The following SAMD12 variants were observed in gnomAD, a reference collection of about 807,000 sequenced individuals.
SAMD12 encodes the protein sterile alpha motif domain-containing protein 12.
A neutral mutation model predicts 15.0 loss-of-function variants in SAMD12; 9 were observed. The ratio of observed to expected loss-of-function variants is 0.60; its 90% CI spans 0.36 to 1.05. SAMD12 has a LOEUF of 1.05. Among genes scored for constraint, SAMD12 ranks in the 50% least tolerant of loss-of-function variants. SAMD12 has a pLI of 0.01. For missense variants in SAMD12, 230 were observed against 234.2 expected, an observed-to-expected ratio of 0.98 and a Z score of 0.12; for synonymous variants, 86 against 90.1, an observed-to-expected ratio of 0.96 and a Z score of 0.25.
exon 5 of SAMD12, chr8:118,191,799 TATATATATATATAGAGAGAGAGAGAG>T (rs1819401193): frequency 2.4e-5 from 1 of 42,154 alleles, no homozygotes; most frequent in African/African-American, 1.0e-4. Flanking sequence ...TATATATATA[TATATATATATATAGAGAGAGAGAGAG>T]AGAGAGAGAG....
At chr8:118,252,206 C>A (rs1452579716) in intron 4 of SAMD12, among the ~76,000 whole-genome samples, 3 of 152,146 alleles carry the variant, frequency 2.0e-5, no homozygotes, top group Non-Finnish European at 4.4e-5. Context: ...ATTTAGAGTA[C>A]TTCTATGCCT....
intron 4 of SAMD12, among the ~76,000 whole-genome samples, chr8:118,232,078 T>C (rs1812321357): frequency 1.3e-5 from 2 of 152,186 alleles, no homozygotes; most frequent in Admixed American, 1.3e-4. Context: ...AAAAGTATAG[T>C]GTATTGGAGC....
chr8:118,552,680 C>G (rs189452349), intron 2 of SAMD12, among the ~76,000 whole-genome samples: 1,837 of 152,088 alleles, frequency 0.012, 14 homozygotes, highest in Admixed American at 0.019. Context: ...GTTCTGGCCA[C>G]GGCAATTAGG....
At chr8:118,200,970 C>T (rs1026741170) in intron 4 of SAMD12, among the ~76,000 whole-genome samples, 1 of 152,172 alleles carries the variant, frequency 6.6e-6, no homozygotes, top group Non-Finnish European at 1.5e-5. Flanking sequence ...GTGGCGTGCA[C>T]CACTACACCC....
intron 2 of SAMD12, among the ~76,000 whole-genome samples, chr8:118,547,157 C>T (rs936033997): frequency 6.6e-6 from 1 of 152,102 alleles, no homozygotes; most frequent in African/African-American, 2.4e-5. Flanking sequence ...GCGAGCTTGC[C>T]ACTCGTGACC....
At chr8:118,277,684 T>G (rs371703320) in intron 4 of SAMD12, among the ~76,000 whole-genome samples, 1 of 152,212 alleles carries the variant, frequency 6.6e-6, no homozygotes, top group African/African-American at 2.4e-5. Flanking sequence ...CTGTCCATTA[T>G]GTATATAGTT....
At chr8:118,134,789 G>A in the SAMD12 span, among the ~76,000 whole-genome samples, 1 of 152,186 alleles carries the variant, frequency 6.6e-6, no homozygotes, top group African/African-American at 2.4e-5. Flanking sequence ...GGAATCGAGT[G>A]TGCAGCGAAG....
rs147265205 is a variant in SAMD12, at chr8:118,333,414, T to C, written c.433+46146A>G. 3.9e-3 allele frequency among the ~76,000 whole-genome samples: 588 copies of C among 152,302 alleles called. 3 individuals carry two copies. The highest frequency in any genetic ancestry group is 0.017 in the Middle Eastern group (5 of 294). ...AAGCCAATGCCCAGGCTTGCTCAGC[T>C]TTCTGTATCATGATCCCAAGTGTAT... On this transcript the variant is annotated intron_variant, in intron 4 of 4. Transcript: ENST00000409003.
chr8:118,584,446 T>C (rs1827378421), intron 1 of SAMD12, among the ~76,000 whole-genome samples: 1 of 152,176 alleles, frequency 6.6e-6, no homozygotes, highest in Non-Finnish European at 1.5e-5. Context: ...CTTAATTTAA[T>C]GGGCTTGGCA....
intron 2 of SAMD12, among the ~76,000 whole-genome samples, chr8:118,468,926 A>T (rs891704158): frequency 2.0e-4 from 31 of 152,234 alleles, no homozygotes; most frequent in Admixed American, 1.2e-3. Flanking sequence ...ATTAAGTTGC[A>T]GTGAGAGGCT....
downstream of SAMD12, among the ~76,000 whole-genome samples, chr8:118,374,787 T>G (rs1254413087): frequency 6.6e-6 from 1 of 151,982 alleles, no homozygotes; most frequent in Non-Finnish European, 1.5e-5. Flanking sequence ...TGGAGAACTC[T>G]CTATTTGAAT....
chr8:118,289,857 G>C (rs150596510), intron 4 of SAMD12, among the ~76,000 whole-genome samples: 1 of 152,128 alleles, frequency 6.6e-6, no homozygotes, highest in African/African-American at 2.4e-5. Flanking sequence ...AGCTTCTTTT[G>C]AGATACAGAG....
At chr8:118,374,664 A>G (rs1349809826), downstream of SAMD12, among the ~76,000 whole-genome samples, 1 of 152,048 alleles carries the variant, frequency 6.6e-6, no homozygotes, top group African/African-American at 2.4e-5. Flanking sequence ...TTCTTTTGGT[A>G]GTGGCCATTC....
At chr8:118,562,027 T>C (rs942923384) in intron 2 of SAMD12, among the ~76,000 whole-genome samples, 4 of 152,204 alleles carry the variant, frequency 2.6e-5, no homozygotes, top group Admixed American at 6.5e-5. Flanking sequence ...TCAAATAATT[T>C]AGATGTACAG....
At chr8:118,244,777 C>T (rs1363321449) in intron 4 of SAMD12, among the ~76,000 whole-genome samples, 1 of 151,798 alleles carries the variant, frequency 6.6e-6, no homozygotes, top group East Asian at 1.9e-4. Context: ...GTTTTGTGCC[C>T]AGAAGGAAAG....
Position 118,424,936 on chromosome 8 carries a change from T to C in SAMD12, c.322+14896A>G, listed in dbSNP as rs1270761847. Among the ~76,000 whole-genome samples the C allele has an allele frequency of 2.4e-5, 3 of 127,026 alleles. No individual in the cohort carries two copies. In the East Asian group the frequency reaches 7.2e-4, roughly 30 times the overall value. The allele number at this position is 127,026 out of a possible 152,430, so 83.3% of individuals were successfully genotyped here. A position where few individuals can be genotyped will look rare whatever the true frequency, so the allele number is the denominator to read the frequency against. ...TGACAGGAAGAGAGCATGTGGTATA[T>C]TAATTTTTTTTTTTTTTTTTGAGAC... On this transcript the variant is annotated intron_variant, in intron 3 of 3. Transcript: ENST00000314727.
intron 3 of SAMD12, among the ~76,000 whole-genome samples, chr8:118,415,143 C>G (rs1417319657): frequency 1.3e-5 from 2 of 152,140 alleles, no homozygotes; most frequent in African/African-American, 4.8e-5. Context: ...GAAAGCTCCC[C>G]CTAGAGGAGT....
At chr8:118,617,528 T>C (rs1295689653) in intron 1 of SAMD12, among the ~76,000 whole-genome samples, 1 of 152,174 alleles carries the variant, frequency 6.6e-6, no homozygotes, top group East Asian at 1.9e-4. Context: ...ATTTGACATG[T>C]TTTTCTTGGG....
In SAMD12 at chr8:118,379,367, C is replaced by T. The variant is rs201880599; in HGVS notation, c.*50G>A. 6.3e-7 allele frequency: 1 copy of T among 1,579,426 alleles called. No homozygotes were observed. Reference sequence around the variant, plus strand: ...TTTGCTCATCCATTACTTATTTGTGCATCCTTCTCCCTAGTGAGCTATGAA... The same window carrying T: ...TTTGCTCATCCATTACTTATTTGTGTATCCTTCTCCCTAGTGAGCTATGAA... On this transcript the variant is annotated 3_prime_UTR_variant, in exon 4 of 4. Coordinates refer to ENST00000314727, the MANE Select transcript of SAMD12 (RefSeq NM_207506.3).
Sources: allele counts gnomAD v4.1 joint callset (sites outside exome capture counted in the v4.1 genomes callset), GRCh38; gene constraint gnomAD v4.1.1; transcripts MANE v1.5; gene names NCBI Gene and HGNC (gene_info 2026-07-23, HGNC 2026-07-21).